Variants in DPP6 observed in about 807,000 individuals in gnomAD.
The protein encoded by DPP6 is dipeptidyl peptidase like 6.
Under a neutral mutation model 122.6 loss-of-function variants are expected in DPP6, and 69 were observed. The ratio of observed to expected loss-of-function variants is 0.56; its 90% CI spans 0.46 to 0.69. The LOEUF is 0.69. Ranked by LOEUF, DPP6 falls within the 30% of genes least tolerant of loss-of-function variation. DPP6 has a pLI of 0.00. For missense variants in DPP6, 928 were observed against 1,116.9 expected (o/e 0.83, Z 2.41); for synonymous variants, 418 against 433.1 (o/e 0.97, Z 0.43).
chr7:154,374,197 C>T (rs1460872363), intron 1 of DPP6, among the ~76,000 whole-genome samples: 1 of 152,198 alleles, frequency 6.6e-6, no homozygotes, highest in Admixed American at 6.5e-5. Flanking sequence ...TCCACAACCA[C>T]CTGCTGGGTG....
intron 1 of DPP6, among the ~76,000 whole-genome samples, chr7:154,371,384 AAAAAAAAAAAAAAAAAAAAAG>A (rs940226602): frequency 2.1e-5 from 3 of 141,070 alleles, no homozygotes; most frequent in African/African-American, 8.7e-5. Flanking sequence ...GTCTCAAAAA[AAAAAAAAAAAAAAAAAAAAAG>A]AAAGAAAGAA....
chr7:153,831,933 C>T, the DPP6 span, among the ~76,000 whole-genome samples: 146 of 152,216 alleles, frequency 9.6e-4, 2 homozygotes, highest in Middle Eastern at 3.4e-3. Context: ...AGAGGAGAAG[C>T]GGTCTGATTT....
At chr7:153,956,875 T>C (rs1289173087) in intron 1 of DPP6, among the ~76,000 whole-genome samples, 1 of 152,190 alleles carries the variant, frequency 6.6e-6, no homozygotes, top group Non-Finnish European at 1.5e-5. Context: ...AGGGTCATTA[T>C]CTGGAATCGG....
At chr7:154,767,970 A>G (rs1428333855) in intron 8 of DPP6, among the ~76,000 whole-genome samples, 1 of 152,198 alleles carries the variant, frequency 6.6e-6, no homozygotes, top group Admixed American at 6.5e-5. Flanking sequence ...GAGCTGCAGC[A>G]TCCCCATCAG....
At chr7:154,856,723 G>T (rs982622620) in intron 17 of DPP6, among the ~76,000 whole-genome samples, 8 of 152,180 alleles carry the variant, frequency 5.3e-5, no homozygotes, top group African/African-American at 1.9e-4. Context: ...ATCCATATCC[G>T]TTGCGGAGCT....
chr7:154,435,245 C>A (rs1310688419), intron 1 of DPP6, among the ~76,000 whole-genome samples: 1 of 151,866 alleles, frequency 6.6e-6, no homozygotes, highest in Admixed American at 6.6e-5. Flanking sequence ...AGAGAGAGAA[C>A]AAGGAGAAGG....
intron 3 of DPP6, among the ~76,000 whole-genome samples, chr7:154,503,220 A>G (rs910687524): frequency 6.6e-6 from 1 of 152,194 alleles, no homozygotes; most frequent in Non-Finnish European, 1.5e-5. Context: ...AGCCCTTTGT[A>G]TGTTTGTCCT....
chr7:154,717,387 C>G (rs185617064), intron 7 of DPP6, among the ~76,000 whole-genome samples: 73 of 152,144 alleles, frequency 4.8e-4, no homozygotes, highest in African/African-American at 1.8e-3. Flanking sequence ...CACAAACACA[C>G]ACACACACAC....
At chr7:153,801,127 T>C in the DPP6 span, among the ~76,000 whole-genome samples, 4 of 150,516 alleles carry the variant, frequency 2.7e-5, no homozygotes, top group Admixed American at 2.7e-4. Context: ...TTTCGGAATT[T>C]CAAAGCCCTG....
the DPP6 span, among the ~76,000 whole-genome samples, chr7:153,780,989 G>A: frequency 6.6e-6 from 1 of 152,132 alleles, no homozygotes; most frequent in Non-Finnish European, 1.5e-5. Context: ...AAAAATGGAT[G>A]TGTTTGTCAT....
intron 1 of DPP6, among the ~76,000 whole-genome samples, chr7:154,037,268 T>G (rs1799582038): frequency 6.6e-6 from 1 of 152,132 alleles, no homozygotes; most frequent in Non-Finnish European, 1.5e-5. Flanking sequence ...TGGTTTATAT[T>G]CTATGAATTT....
At chr7:153,818,713 G>A in the DPP6 span, among the ~76,000 whole-genome samples, 1 of 151,554 alleles carries the variant, frequency 6.6e-6, no homozygotes, top group Admixed American at 6.6e-5. Flanking sequence ...TGGGCAGGGA[G>A]GGAAGAAAAA....
Position 154,064,985 on chromosome 7 carries a change from C to T in DPP6, c.243+11922C>T, listed in dbSNP as rs569706327. ...AAATGCCTTTTCCTTACAAGAGCTT[C>T]CTCTCAAAATGCACCCCTCCTTTCA... On this transcript the variant is annotated intron_variant, in intron 1 of 25. Coordinates refer to ENST00000377770, the MANE Select transcript of DPP6 (RefSeq NM_130797.4). Among the ~76,000 whole-genome samples the T allele has an allele frequency of 8.5e-5, 13 of 152,230 alleles. No homozygotes were observed. The East Asian group carries it at 1.2e-3, about 14-fold the overall frequency.
chr7:153,832,874 C>T, the DPP6 span, among the ~76,000 whole-genome samples: 1 of 152,110 alleles, frequency 6.6e-6, no homozygotes, highest in South Asian at 2.1e-4. Flanking sequence ...AGACTCATGT[C>T]GTGTTGGGGC....
intron 1 of DPP6, among the ~76,000 whole-genome samples, chr7:153,905,351 G>A (rs1045163205): frequency 1.3e-5 from 2 of 152,146 alleles, no homozygotes; most frequent in African/African-American, 4.8e-5. Flanking sequence ...AGCAGGAGGG[G>A]GAGTGGGGAG....
chr7:153,800,880 A>G, the DPP6 span, among the ~76,000 whole-genome samples: 2 of 152,174 alleles, frequency 1.3e-5, no homozygotes, highest in Non-Finnish European at 2.9e-5. Flanking sequence ...AGTATCCCCA[A>G]CACAAAGAAA....
chr7:154,140,485 CT>C (rs1018937371), intron 1 of DPP6, among the ~76,000 whole-genome samples: 21 of 152,026 alleles, frequency 1.4e-4, no homozygotes, highest in Middle Eastern at 3.2e-3. Context: ...TGTTTATTTA[CT>C]TTTTTTATAT....
intron 17 of DPP6, among the ~76,000 whole-genome samples, chr7:154,866,842 T>C (rs1431083071): frequency 6.6e-6 from 1 of 152,146 alleles, no homozygotes; most frequent in Non-Finnish European, 1.5e-5. Context: ...CTACAGAAGG[T>C]TGCCAGGCCT....
chr7:154,522,611 G>T (rs1827087950), intron 3 of DPP6, among the ~76,000 whole-genome samples: 2 of 152,128 alleles, frequency 1.3e-5, no homozygotes, highest in African/African-American at 2.4e-5. Flanking sequence ...TCTTTTGAAA[G>T]AAACCTTTGT....
Sources: allele counts gnomAD v4.1 joint callset (sites outside exome capture counted in the v4.1 genomes callset), GRCh38; gene constraint gnomAD v4.1.1; transcripts MANE v1.5; gene names NCBI Gene and HGNC (gene_info 2026-07-23, HGNC 2026-07-21).